The following SOX7 variants were observed in gnomAD, a reference collection of about 807,000 sequenced individuals.
SOX7 encodes the protein SRY-box transcription factor 7.
In SOX7, 19 loss-of-function variants were observed where a neutral mutation model predicts 24.9. The ratio of observed to expected loss-of-function variants is 0.76; its 90% CI spans 0.53 to 1.12. The LOEUF is 1.12. SOX7 is among the 50% of genes most tolerant of loss of function. SOX7 has a pLI of 0.00. For synonymous variants in SOX7, 327 were observed against 244.5 expected (o/e 1.34, Z -3.15); for missense variants, 702 against 535.0 (o/e 1.31, Z -3.08).
chr8:10,727,381 G>C (rs970359733), intron 1 of SOX7, among the ~76,000 whole-genome samples: 4 of 152,146 alleles, frequency 2.6e-5, no homozygotes, highest in African/African-American at 9.7e-5. Context: ...CTTCCAGCCA[G>C]CCATCTTTTG....
At position 10,724,670 on chromosome 8, in the gene SOX7, G is replaced by A. The variant is rs1401174133; in HGVS notation, c.*1068C>T. The A allele has an allele frequency of 6.6e-6, 1 of 151,888 alleles. No individual in the cohort carries two copies. Among genetic ancestry groups the A allele is most frequent in the Non-Finnish European group, 1.5e-5 (1 of 67,990 alleles). 9.4% of individuals were successfully genotyped at this position (151,888 alleles called of 1,614,324 possible). On this transcript the variant is annotated 3_prime_UTR_variant, in exon 2 of 2. Transcript: ENST00000304501. The stretch of plus-strand genomic sequence containing the variant: ...ACTTTGAGTTTAGGAGTTGCATGAA[G>A]TGGGCATGTGTCTCTCACACTCCTG...
At position 10,726,116 on chromosome 8, in the gene SOX7, G is replaced by A; in HGVS notation, c.789C>T (p.Gly263=). The change falls in exon 2 of 2, where the codon GGC becomes GGT. Residue 263 remains glycine, a synonymous_variant. Coordinates refer to ENST00000304501, the MANE Select transcript of SOX7 (RefSeq NM_031439.4). ...CSHPLGSLAL[G]QSPGVSMMSP... ...ACATCATGGAGACGCCGGGGGACTG[G>A]CCAAGGGCCAGGGAGCCCAGGGGGT... The A allele has an allele frequency of 6.4e-7, 1 of 1,574,628 alleles. No homozygotes were observed. Among genetic ancestry groups the A allele is most frequent in the Non-Finnish European group, 8.6e-7 (1 of 1,161,512 alleles).
Position 10,725,930 on chromosome 8 carries a change from C to A in SOX7, c.975G>T (p.Gly325=). 1.2e-6 allele frequency: 2 copies of A among 1,613,872 alleles called. No homozygotes were observed. The highest frequency in any genetic ancestry group is 2.2e-5 in the East Asian group (1 of 44,848). Residue 325 remains glycine, a synonymous_variant, in exon 2 of 2, where the codon GGG becomes GGT. Transcript: ENST00000304501. ...GGTCGAATTCATTGCGATCCATGTC[C>A]CCCAGGAGTTCCACCTGGCTCAGTT... The part of the protein sequence containing the change: ...LDQLSQVELL[G]DMDRNEFDQY...
Position 10,724,613 on chromosome 8 carries a change from G to A in SOX7, c.*1125C>T, listed in dbSNP as rs1044464685. The A allele has an allele frequency of 6.6e-6, 1 of 152,134 alleles. No individual in the cohort carries two copies. The highest frequency in any genetic ancestry group is 2.4e-5 in the African/African-American group (1 of 41,420). The allele number at this position is 152,134 out of a possible 1,614,324, so 9.4% of individuals were successfully genotyped here. On this transcript the variant is annotated 3_prime_UTR_variant, in exon 2 of 2. Transcript: ENST00000304501. Reference sequence around the variant, plus strand: ...ATTAGAAACAGGGAGTTGGCAACAAGTTGTCATTGTTAATAAAAATATCTG... The same window carrying A: ...ATTAGAAACAGGGAGTTGGCAACAAATTGTCATTGTTAATAAAAATATCTG...
At position 10,725,618 on chromosome 8, in the gene SOX7, G is replaced by T. The variant is rs1167116302; in HGVS notation, c.*120C>A. On this transcript the variant is annotated 3_prime_UTR_variant, in exon 2 of 2. Coordinates refer to ENST00000304501, the MANE Select transcript of SOX7 (RefSeq NM_031439.4). Reference sequence around the variant, plus strand: ...TTAGGCCAAAGGCTCTGGGGCCGCAGTTCAGACCTCCCTGCCCTGAGCGGT... The same window carrying T: ...TTAGGCCAAAGGCTCTGGGGCCGCATTTCAGACCTCCCTGCCCTGAGCGGT... 31 of 1,103,220 alleles carry T rather than the reference G, an allele frequency of 2.8e-5. No homozygotes were observed. In the South Asian group the frequency reaches 4.3e-4, roughly 15 times the overall value. 68.3% of individuals were successfully genotyped at this position (1,103,220 alleles called of 1,614,324 possible). A position where few individuals can be genotyped will look rare whatever the true frequency, so the allele number is the denominator to read the frequency against.
chr8:10,730,140 C>T lies in SOX7; in HGVS notation c.238+56G>A, dbSNP rs1220672323. Reference sequence around the variant, plus strand: ...GCTCGCACCCGCCCTGCAGTGCCGCCAGCCGCCCGCCGCCCGCCCCCGGCC... The same window carrying T: ...GCTCGCACCCGCCCTGCAGTGCCGCTAGCCGCCCGCCGCCCGCCCCCGGCC... On this transcript the variant is annotated intron_variant, in intron 1 of 1. Transcript: ENST00000304501. The surrounding 1 kb of genome is among the most constrained non-coding windows in gnomAD (Gnocchi z 4.8). 3 of 1,299,768 alleles carry T rather than the reference C, an allele frequency of 2.3e-6. No homozygotes were observed. Among genetic ancestry groups the T allele is most frequent in the South Asian group, 2.1e-5 (1 of 46,586 alleles). The allele number at this position is 1,299,768 out of a possible 1,614,324, so 80.5% of individuals were successfully genotyped here. A position where few individuals can be genotyped will look rare whatever the true frequency, so the allele number is the denominator to read the frequency against.
chr8:10,726,721 C>G, intron 1 of SOX7, 55 bp from the exon 2 acceptor site: 2 of 1,476,728 alleles, frequency 1.4e-6, no homozygotes, highest in East Asian at 2.3e-5. Flanking sequence ...GCAGGCATCG[C>G]ACATGCACAC....
intron 1 of SOX7, 80 bp from the exon 2 acceptor site, chr8:10,726,746 G>GTGCACA: frequency 1.5e-6 from 2 of 1,290,882 alleles, no homozygotes; most frequent in Non-Finnish European, 2.1e-6. Flanking sequence ...GCACACACAC[G>GTGCACA]TGCACATGCA....
In SOX7 at chr8:10,725,124, A is replaced by G. The variant is rs1276409008; in HGVS notation, c.*614T>C. On this transcript the variant is annotated 3_prime_UTR_variant, in exon 2 of 2. Transcript: ENST00000304501. ...TTTAAAATAAAATAGTTTTAACTCAATCCCATTTTCTGTGATATAGTTAGC... is the reference window on the plus strand; with the variant it reads ...TTTAAAATAAAATAGTTTTAACTCAGTCCCATTTTCTGTGATATAGTTAGC... 6.5e-6 allele frequency: 1 copy of G among 153,496 alleles called. No individual in the cohort carries two copies. Among genetic ancestry groups the G allele is most frequent in the Non-Finnish European group, 1.5e-5 (1 of 68,954 alleles). 9.5% of individuals were successfully genotyped at this position (153,496 alleles called of 1,614,324 possible). A position where few individuals can be genotyped will look rare whatever the true frequency, so the allele number is the denominator to read the frequency against.
In SOX7 at chr8:10,725,765, C is replaced by T. The variant is rs202135768; in HGVS notation, c.1140G>A (p.Thr380=). ...ATGACACACTGTAGCTGTTGTAGTA[C>T]GTGGCCGTGGCATCAGCCAGGACGG... ...LISVLADATA[T]YYNSYSVS is the part of the protein sequence containing the mutation. The change falls in exon 2 of 2, where the codon ACG becomes ACA. Residue 380 remains threonine (T), a synonymous_variant. Coordinates refer to ENST00000304501, the MANE Select transcript of SOX7 (RefSeq NM_031439.4). The T allele has an allele frequency of 1.2e-5, 20 of 1,614,032 alleles. No homozygotes were observed. Among genetic ancestry groups the T allele is most frequent in the Non-Finnish European group, 1.7e-5 (20 of 1,180,042 alleles).
At chr8:10,728,914 G>C (rs1800206964) in intron 1 of SOX7, among the ~76,000 whole-genome samples, 1 of 152,222 alleles carries the variant, frequency 6.6e-6, no homozygotes, top group Non-Finnish European at 1.5e-5. Context: ...TAAATAAAAT[G>C]TTTTATTATT....
chr8:10,726,193 G>A lies in SOX7; in HGVS notation c.712C>T (p.Pro238Ser), dbSNP rs1333394512. The change falls in exon 2 of 2, where the codon CCA (proline) becomes TCA (serine). Residue 238 changes from proline (P) to serine (S), a missense_variant. Pro to Ser is a moderately conservative substitution (Grantham distance 74). Coordinates refer to ENST00000304501, the MANE Select transcript of SOX7 (RefSeq NM_031439.4). ...HGHPRRIPHLPGHPYSPEYAP... is the reference protein window; with the variant it reads ...HGHPRRIPHLSGHPYSPEYAP... ...TACTCCGGTGAGTACGGGTGCCCTGGCAGGTGGGGGATGCGGCGGGGATGG... is the reference window on the plus strand; with the variant it reads ...TACTCCGGTGAGTACGGGTGCCCTGACAGGTGGGGGATGCGGCGGGGATGG... The A allele has an allele frequency of 1.2e-6, 2 of 1,612,614 alleles. No individual in the cohort carries two copies. Among genetic ancestry groups the A allele is most frequent in the Non-Finnish European group, 8.5e-7 (1 of 1,179,394 alleles).
At chr8:10,728,040 A>G (rs1240301693) in intron 1 of SOX7, among the ~76,000 whole-genome samples, 1 of 152,218 alleles carries the variant, frequency 6.6e-6, no homozygotes, top group Non-Finnish European at 1.5e-5. Flanking sequence ...CTGTCACTCA[A>G]AAGGGCAACT....
At position 10,726,565 on chromosome 8, in the gene SOX7, A is replaced by G; in HGVS notation, c.340T>C (p.Tyr114His). 6.2e-7 allele frequency: 1 copy of G among 1,611,824 alleles called. No individual in the cohort carries two copies. ...QHMQDYPNYK[Y>H]RPRRKKQAKR... ...GCCTGCTTCTTCCTGCGCGGCCGGT[A>G]CTTGTAGTTGGGGTAGTCCTGCATG... Residue 114 changes from tyrosine to histidine, a missense_variant, in exon 2 of 2, where the codon TAC becomes CAC. Physicochemically the swap from Tyr to His is moderately conservative, Grantham distance 83. Transcript: ENST00000304501.
Position 10,730,301 on chromosome 8 carries a change from T to C in SOX7, c.133A>G (p.Ile45Val), listed in dbSNP as rs547345150. 3.2e-6 allele frequency: 5 copies of C among 1,580,388 alleles called. No individual in the cohort carries two copies. Among genetic ancestry groups the C allele is most frequent in the African/African-American group, 1.4e-5 (1 of 71,638 alleles). Residue 45 changes from isoleucine (I) to valine (V), a missense_variant, in exon 1 of 2, where the codon ATC becomes GTC. Transcript: ENST00000304501. The surrounding 1 kb of genome is among the most constrained non-coding windows in gnomAD (Gnocchi z 4.8). ...PPGDKGSESRIRRPMNAFMVW... is the reference protein window; with the variant it reads ...PPGDKGSESRVRRPMNAFMVW... ...ATGAAGGCGTTCATGGGCCGCCGGA[T>C]ACGGCTCTCGGAGCCCTTGTCCCCC... is the stretch of plus-strand genomic sequence containing the variant.
At position 10,730,103 on chromosome 8, in the gene SOX7, C is replaced by T. The variant is rs1404090695; in HGVS notation, c.238+93G>A. On this transcript the variant is annotated intron_variant, in intron 1 of 1. Transcript: ENST00000304501. This position sits in a 1 kb window ranked among gnomAD's most constrained non-coding sequence, Gnocchi z 4.8. ...CCCTCGTCCCGCGTGCCGGGTCTTC[C>T]CCAGGCTCCGCGCTCGCACCCGCCC... is the stretch of plus-strand genomic sequence containing the variant. The T allele has an allele frequency of 2.0e-6, 2 of 979,908 alleles. No individual in the cohort carries two copies. Among genetic ancestry groups the T allele is most frequent in the African/African-American group, 1.7e-5 (1 of 57,954 alleles). 60.7% of individuals were successfully genotyped at this position (979,908 alleles called of 1,614,324 possible). A position where few individuals can be genotyped will look rare whatever the true frequency, so the allele number is the denominator to read the frequency against.
chr8:10,725,820 G>A lies in SOX7; in HGVS notation c.1085C>T (p.Pro362Leu). The A allele has an allele frequency of 6.2e-7, 1 of 1,614,220 alleles. No individual in the cohort carries two copies. Among genetic ancestry groups the A allele is most frequent in the Non-Finnish European group, 8.5e-7 (1 of 1,180,034 alleles). ...SGHVPVSQVT[P>L]TGPTETSLIS... ...GAGGCTGGTCTCTGTGGGACCCGTT[G>A]GTGTCACCTGGGAGACCGGAACATG... The change falls in exon 2 of 2, where the codon CCA becomes CTA. Residue 362 changes from proline to leucine, a missense_variant. Coordinates refer to ENST00000304501, the MANE Select transcript of SOX7 (RefSeq NM_031439.4).
At chr8:10,728,075 C>T in intron 1 of SOX7, among the ~76,000 whole-genome samples, 1 of 152,204 alleles carries the variant, frequency 6.6e-6, no homozygotes, top group Admixed American at 6.5e-5. Context: ...GCTGCAGATT[C>T]AGGGCTGGTC....
chr8:10,727,014 G>C (rs957654471), intron 1 of SOX7, among the ~76,000 whole-genome samples: 1 of 152,184 alleles, frequency 6.6e-6, no homozygotes. Flanking sequence ...AATATCTAAT[G>C]ATCACGATAT....
Sources: allele counts gnomAD v4.1 joint callset (sites outside exome capture counted in the v4.1 genomes callset), GRCh38; gene constraint gnomAD v4.1.1; non-coding constraint Gnocchi (gnomAD v3.1); transcripts MANE v1.5; gene names NCBI Gene and HGNC (gene_info 2026-07-23, HGNC 2026-07-21).